Variants in CACNG3 observed in about 807,000 individuals in gnomAD.
The protein encoded by CACNG3 is voltage-dependent calcium channel gamma-3 subunit.
A neutral mutation model predicts 28.5 loss-of-function variants in CACNG3; 3 were observed. That is an observed-to-expected ratio of 0.11 (90% CI 0.05 to 0.27). CACNG3 has a LOEUF of 0.27. Among genes scored for constraint, CACNG3 ranks in the 10% least tolerant of loss-of-function variants. CACNG3 has a pLI of 1.00. For missense variants in CACNG3, 236 were observed against 414.4 expected, an observed-to-expected ratio of 0.57 and a Z score of 3.74; for synonymous variants, 174 against 162.2, an observed-to-expected ratio of 1.07 and a Z score of -0.55.
chr16:24,321,552 T>C (rs1899459366), intron 1 of CACNG3, among the ~76,000 whole-genome samples: 1 of 152,220 alleles, frequency 6.6e-6, no homozygotes, highest in Non-Finnish European at 1.5e-5. Context: ...TAACCCTAGT[T>C]TTACTTAATA....
At chr16:24,352,533 GT>G (rs367961172) in intron 2 of CACNG3, among the ~76,000 whole-genome samples, 90 of 6,640 alleles carry the variant, frequency 0.014, 5 homozygotes, top group East Asian at 0.077. Flanking sequence ...TGTTGTTGTT[GT>G]TTGTTTGTTT....
intron 1 of CACNG3, among the ~76,000 whole-genome samples, chr16:24,317,516 G>A (rs1158510930): frequency 3.5e-5 from 5 of 144,594 alleles, no homozygotes; most frequent in African/African-American, 1.3e-4. Context: ...CTCCAGCTTG[G>A]GTGACAGAGG....
At chr16:24,317,810 A>T (rs1241699590) in intron 1 of CACNG3, among the ~76,000 whole-genome samples, 1 of 152,190 alleles carries the variant, frequency 6.6e-6, no homozygotes, top group Admixed American at 6.5e-5. Context: ...ATCTGAAGCC[A>T]ACCTCCCTCT....
chr16:24,267,020 G>A (rs1052927799), intron 1 of CACNG3, among the ~76,000 whole-genome samples: 1 of 148,352 alleles, frequency 6.7e-6, no homozygotes, highest in African/African-American at 2.5e-5. Flanking sequence ...AGGCTGGAGT[G>A]CGGTGGCACG....
intron 3 of CACNG3, among the ~76,000 whole-genome samples, chr16:24,358,579 T>C (rs1329045718): frequency 6.6e-6 from 1 of 152,178 alleles, no homozygotes; most frequent in Non-Finnish European, 1.5e-5. Flanking sequence ...TGAATCAGAC[T>C]CTGGGCTGGG....
intron 1 of CACNG3, among the ~76,000 whole-genome samples, chr16:24,316,594 C>A (rs994944234): frequency 6.6e-6 from 1 of 152,174 alleles, no homozygotes; most frequent in Non-Finnish European, 1.5e-5. Context: ...TGTGGCTTCC[C>A]GGTGCTCTGG....
chr16:24,272,296 G>T (rs2141347866), intron 1 of CACNG3, among the ~76,000 whole-genome samples: 1 of 152,036 alleles, frequency 6.6e-6, no homozygotes, highest in Non-Finnish European at 1.5e-5. Flanking sequence ...GGTTTCCTTT[G>T]TACCCTCACT....
intron 1 of CACNG3, among the ~76,000 whole-genome samples, chr16:24,265,671 A>C (rs993446513): frequency 6.6e-6 from 1 of 152,222 alleles, no homozygotes; most frequent in African/African-American, 2.4e-5. Flanking sequence ...ACATTTTAAA[A>C]TGGTTGAAAA....
chr16:24,280,821 CAAAAAAAAAAA>C (rs71154295), intron 1 of CACNG3, among the ~76,000 whole-genome samples: 2 of 55,626 alleles, frequency 3.6e-5, no homozygotes, highest in Non-Finnish European at 6.4e-5. Context: ...GAGTTTGTCT[CAAAAAAAAAAA>C]AAAAAAAAAA....
At chr16:24,273,881 T>C (rs1485043026) in intron 1 of CACNG3, among the ~76,000 whole-genome samples, 6 of 152,182 alleles carry the variant, frequency 3.9e-5, no homozygotes. Flanking sequence ...AAATTGGGCT[T>C]TTTAAACACA....
rs757005088 is a variant in CACNG3, at chr16:24,346,683, C to T, written c.212-51C>T. 6.2e-5 allele frequency: 86 copies of T among 1,392,340 alleles called. No homozygotes were observed. The Middle Eastern group carries it at 9.1e-4, about 15-fold the overall frequency. The allele number at this position is 1,392,340 out of a possible 1,614,324, so 86.2% of individuals were successfully genotyped here. On this transcript the variant is annotated intron_variant, in intron 1 of 3. Coordinates refer to ENST00000005284, the MANE Select transcript of CACNG3 (RefSeq NM_006539.4). ...TAGCGGTGAGGACCCAGGCTGGCCC[C>T]CAGAGCTCTGTCTCCTCCCCCAGGC...
chr16:24,349,026 G>T (rs867192360), intron 2 of CACNG3, among the ~76,000 whole-genome samples: 18 of 152,316 alleles, frequency 1.2e-4, no homozygotes, highest in Middle Eastern at 6.8e-3. Flanking sequence ...TTGGGCTAAG[G>T]TTAAGGAGAG....
At chr16:24,313,015 AAGAG>A (rs1268211994) in intron 1 of CACNG3, among the ~76,000 whole-genome samples, 11 of 150,252 alleles carry the variant, frequency 7.3e-5, no homozygotes, top group East Asian at 2.0e-4. Context: ...AAAAGAGAGA[AAGAG>A]AGAGAGGAAG....
At chr16:24,357,506 C>T (rs1048582220) in intron 3 of CACNG3, among the ~76,000 whole-genome samples, 1 of 152,142 alleles carries the variant, frequency 6.6e-6, no homozygotes, top group Admixed American at 6.5e-5. Flanking sequence ...AGATCTTGCT[C>T]GAATTCCTTC....
intron 1 of CACNG3, among the ~76,000 whole-genome samples, chr16:24,305,153 C>CA (rs887724313): frequency 2.0e-5 from 3 of 151,966 alleles, no homozygotes; most frequent in Non-Finnish European, 2.9e-5. Context: ...CCGTGTGTGA[C>CA]AAATGTGCCA....
chr16:24,322,594 A>G (rs181864462), intron 1 of CACNG3, among the ~76,000 whole-genome samples: 2 of 151,742 alleles, frequency 1.3e-5, no homozygotes, highest in African/African-American at 4.8e-5. Context: ...AGCCAAAAAG[A>G]AAAAAAAAGT....
chr16:24,269,474 G>A (rs185840336), intron 1 of CACNG3, among the ~76,000 whole-genome samples: 87 of 152,178 alleles, frequency 5.7e-4, no homozygotes, highest in African/African-American at 1.8e-3. Context: ...AATCTCAGCC[G>A]AGTGCGGTGG....
chr16:24,351,382 A>G (rs941557249), intron 2 of CACNG3, among the ~76,000 whole-genome samples: 1 of 151,742 alleles, frequency 6.6e-6, no homozygotes, highest in Non-Finnish European at 1.5e-5. Flanking sequence ...GACCAACCAG[A>G]CCAATATGGT....
intron 1 of CACNG3, among the ~76,000 whole-genome samples, chr16:24,282,119 T>C (rs1446354410): frequency 6.6e-6 from 1 of 152,144 alleles, no homozygotes; most frequent in Non-Finnish European, 1.5e-5. Flanking sequence ...CATGACTTTA[T>C]TTTTCCTCAC....
Sources: allele counts gnomAD v4.1 joint callset (sites outside exome capture counted in the v4.1 genomes callset), GRCh38; gene constraint gnomAD v4.1.1; transcripts MANE v1.5; gene names NCBI Gene and HGNC (gene_info 2026-07-23, HGNC 2026-07-21).